Variants in FER1L6 observed in about 807,000 individuals in gnomAD.
FER1L6 encodes fer-1 like family member 6, also known as fer-1-like protein 6.
Under a neutral mutation model 219.2 loss-of-function variants are expected in FER1L6, and 177 were observed. That is an observed-to-expected ratio of 0.81 (90% CI 0.71 to 0.91). FER1L6 has a LOEUF of 0.91. FER1L6 is among the 40% of genes least tolerant of loss of function. FER1L6 has a pLI of 0.00. For missense variants in FER1L6, 2,153 were observed against 2,259.9 expected, an observed-to-expected ratio of 0.95 and a Z score of 0.96; for synonymous variants, 768 against 824.3, an observed-to-expected ratio of 0.93 and a Z score of 1.17.
At chr8:124,049,232 G>A (rs1468089980) in intron 21 of FER1L6, among the ~76,000 whole-genome samples, 2 of 152,010 alleles carry the variant, frequency 1.3e-5, no homozygotes, top group South Asian at 2.1e-4. Context: ...ATTTTTAGTA[G>A]AGACAGGGTT....
intron 1 of FER1L6, among the ~76,000 whole-genome samples, chr8:123,872,539 T>A (rs1359903344): frequency 6.6e-6 from 1 of 152,182 alleles, no homozygotes; most frequent in African/African-American, 2.4e-5. Flanking sequence ...ACAAACTGAA[T>A]AAATTTTATA....
intron 12 of FER1L6, among the ~76,000 whole-genome samples, chr8:123,996,282 G>T (rs184809502): frequency 1.3e-5 from 2 of 152,206 alleles, no homozygotes; most frequent in African/African-American, 2.4e-5. Context: ...TTGTGTTGCG[G>T]TCTATCTTTC....
chr8:123,950,722 T>G (rs1185686596), intron 1 of FER1L6, among the ~76,000 whole-genome samples: 1 of 152,200 alleles, frequency 6.6e-6, no homozygotes, highest in Non-Finnish European at 1.5e-5. Context: ...AATTAGGGGC[T>G]AACACAGAAA....
At chr8:123,927,240 A>T (rs1234045857) in intron 1 of FER1L6, among the ~76,000 whole-genome samples, 1 of 152,106 alleles carries the variant, frequency 6.6e-6, no homozygotes, top group African/African-American at 2.4e-5. Flanking sequence ...CTCAACAAGA[A>T]TCAACGACCA....
intron 1 of FER1L6, among the ~76,000 whole-genome samples, chr8:123,904,254 G>GTT (rs1812911751): frequency 6.6e-6 from 1 of 151,626 alleles, no homozygotes; most frequent in Non-Finnish European, 1.5e-5. Context: ...GTGTGTGTGT[G>GTT]TGTGTGTGTG....
At chr8:124,103,023 A>G in intron 38 of FER1L6, 123 bp from the exon 39 acceptor site, 3 of 908,282 alleles carry the variant, frequency 3.3e-6, no homozygotes, top group Admixed American at 4.1e-5. Context: ...TTGTGATCCA[A>G]TATGGTACTG....
chr8:124,070,337 A>C, intron 29 of FER1L6, 130 bp from the exon 30 acceptor site: 1 of 937,184 alleles, frequency 1.1e-6, no homozygotes, highest in Non-Finnish European at 1.6e-6. Context: ...CTGAAGATAA[A>C]TTACCAGTGG....
intron 1 of FER1L6, among the ~76,000 whole-genome samples, chr8:123,882,170 C>G (rs535727303): frequency 6.7e-6 from 1 of 149,698 alleles, no homozygotes; most frequent in Admixed American, 6.7e-5. Context: ...AACTCCGGCC[C>G]ACAAAACCAC....
In FER1L6 at chr8:124,103,258, G is replaced by A. The variant is rs774687384; in HGVS notation, c.5238G>A (p.Gln1746=). 2.0e-5 allele frequency: 33 copies of A among 1,613,936 alleles called. No individual in the cohort carries two copies. The Admixed American group carries it at 2.8e-4, about 14-fold the overall frequency. Residue 1746 remains glutamine, a synonymous_variant, in exon 39 of 41, where the codon CAG becomes CAA. Coordinates refer to ENST00000522917, the MANE Select transcript of FER1L6 (RefSeq NM_001039112.2). ...AGGAGACCAAGATCTCTATATTCCA[G>A]CAAAAACGTGTGCGTGGCTGGTGGC... is the stretch of plus-strand genomic sequence containing the variant. ...ASEETKISIF[Q]QKRVRGWWPF... is the part of the protein sequence containing the mutation.
chr8:123,888,445 C>A (rs1179025170), intron 1 of FER1L6, among the ~76,000 whole-genome samples: 1 of 152,100 alleles, frequency 6.6e-6, no homozygotes, highest in African/African-American at 2.4e-5. Context: ...CTCTTTGTCC[C>A]CAATATTCTT....
At chr8:124,074,555 G>A (rs1320525717) in intron 31 of FER1L6, among the ~76,000 whole-genome samples, 2 of 151,836 alleles carry the variant, frequency 1.3e-5, no homozygotes, top group Admixed American at 6.6e-5. Flanking sequence ...GGGAGGCTGA[G>A]GTGGGAGGAT....
intron 28 of FER1L6, 120 bp from the exon 29 acceptor site, chr8:124,069,240 G>A (rs933934565): frequency 2.7e-5 from 21 of 765,820 alleles, no homozygotes; most frequent in African/African-American, 2.3e-4. Flanking sequence ...CTGGCCACAA[G>A]TTACTATTTC....
intron 1 of FER1L6, among the ~76,000 whole-genome samples, chr8:123,942,950 C>T (rs1814322721): frequency 6.6e-6 from 1 of 152,158 alleles, no homozygotes; most frequent in Admixed American, 6.5e-5. Flanking sequence ...GAATACAGGT[C>T]CCAAAGATAT....
At chr8:124,099,400 T>C (rs1038308016) in intron 37 of FER1L6, among the ~76,000 whole-genome samples, 1 of 152,218 alleles carries the variant, frequency 6.6e-6, no homozygotes, top group Admixed American at 6.5e-5. Context: ...ATCCATTGGG[T>C]TGAGAACCCC....
intron 39 of FER1L6, among the ~76,000 whole-genome samples, chr8:124,117,602 AT>A (rs1426878587): frequency 6.6e-6 from 1 of 152,228 alleles, no homozygotes; most frequent in African/African-American, 2.4e-5. Flanking sequence ...GAATGAGACC[AT>A]CTAGACTTTA....
At chr8:123,939,086 T>C (rs1293506119) in intron 1 of FER1L6, 12 of 736,300 alleles carry the variant, frequency 1.6e-5, no homozygotes, top group Non-Finnish European at 2.0e-5. Flanking sequence ...TTTGAGGCTG[T>C]GTAGTAATGC....
Position 123,956,053 on chromosome 8 carries a change from C to G in FER1L6, c.55C>G (p.Leu19Val), listed in dbSNP as rs200101868. ...KRNKAEKGLILANKAAKDSQG... is the reference protein window; with the variant it reads ...KRNKAEKGLIVANKAAKDSQG... ...AAATAAGGCAGAGAAGGGGTTAATC[C>G]TAGCCAACAAGGCTGCGAAAGGTGA... is the stretch of plus-strand genomic sequence containing the variant. The change falls in exon 2 of 41, where the codon CTA (leucine) becomes GTA (valine). Residue 19 changes from leucine (L) to valine (V), a missense_variant. By Grantham distance (32) the Leu-to-Val change is conservative (BLOSUM62 1). Transcript: ENST00000522917. 165 of 1,611,692 alleles carry G rather than the reference C, an allele frequency of 1.0e-4. No individual in the cohort carries two copies. The highest frequency in any genetic ancestry group is 1.3e-4 in the Non-Finnish European group (159 of 1,179,320).
In FER1L6 at chr8:124,103,223, A is replaced by G. The variant is rs1161387535; in HGVS notation, c.5203A>G (p.Asn1735Asp). The change falls in exon 39 of 41, where the codon AAT becomes GAT. Residue 1735 changes from asparagine (N) to aspartate (D), a missense_variant. Coordinates refer to ENST00000522917, the MANE Select transcript of FER1L6 (RefSeq NM_001039112.2). ...AKACDLAKFE[N>D]ASEETKISIF... ...AGCCTGTGATCTTGCCAAGTTTGAA[A>G]ATGCAAGTGAGGAGACCAAGATCTC... 1.2e-6 allele frequency: 2 copies of G among 1,614,146 alleles called. No homozygotes were observed. The highest frequency in any genetic ancestry group is 3.3e-5 in the Admixed American group (2 of 60,030).
At chr8:123,985,536 C>T (rs892264335) in intron 11 of FER1L6, 1 of 153,242 alleles carries the variant, frequency 6.5e-6, no homozygotes, top group Non-Finnish European at 1.5e-5. Flanking sequence ...TACTTGACAA[C>T]CTCAAGCTTT....
Sources: allele counts gnomAD v4.1 joint callset (sites outside exome capture counted in the v4.1 genomes callset), GRCh38; gene constraint gnomAD v4.1.1; transcripts MANE v1.5; gene names NCBI Gene and HGNC (gene_info 2026-07-23, HGNC 2026-07-21).